HMGCLL1: variants seen among roughly 807,000 people sequenced by gnomAD.
HMGCLL1 encodes the protein 3-hydroxymethyl-3-methylglutaryl-CoA lyase, cytoplasmic.
A neutral mutation model predicts 39.1 loss-of-function variants in HMGCLL1; 36 were observed. That is an observed-to-expected ratio of 0.92 (90% CI 0.71 to 1.22). HMGCLL1 has a LOEUF of 1.22. Ranked by LOEUF, HMGCLL1 falls within the 50% of genes most tolerant of loss-of-function variation. The pLI is 0.00. For synonymous variants in HMGCLL1, 149 were observed against 144.0 expected (o/e 1.03, Z -0.25); for missense variants, 451 against 416.5 (o/e 1.08, Z -0.72).
intron 7 of HMGCLL1, among the ~76,000 whole-genome samples, chr6:55,481,911 A>G (rs1190673432): frequency 6.6e-6 from 1 of 152,046 alleles, no homozygotes; most frequent in East Asian, 1.9e-4. Flanking sequence ...TTCTTTTTCA[A>G]TTGAACATTT....
intron 1 of HMGCLL1, among the ~76,000 whole-genome samples, chr6:55,575,671 A>G (rs1561972313): frequency 6.6e-6 from 1 of 152,178 alleles, no homozygotes; most frequent in Non-Finnish European, 1.5e-5. Flanking sequence ...ACAATAGAGA[A>G]TTAGTTAAGC....
chr6:55,438,430 A>C (rs1319827153), intron 8 of HMGCLL1, among the ~76,000 whole-genome samples: 3 of 152,068 alleles, frequency 2.0e-5, no homozygotes, highest in Non-Finnish European at 2.9e-5. Flanking sequence ...ATAATTATAT[A>C]ACCTTGTGGT....
the HMGCLL1 span, among the ~76,000 whole-genome samples, chr6:55,661,488 T>C: frequency 6.6e-6 from 1 of 152,024 alleles, no homozygotes; most frequent in Non-Finnish European, 1.5e-5. Flanking sequence ...CCAGTGCTTG[T>C]TTCTGTCAGC....
At chr6:55,673,103 A>G in the HMGCLL1 span, among the ~76,000 whole-genome samples, 1 of 152,016 alleles carries the variant, frequency 6.6e-6, no homozygotes, top group Non-Finnish European at 1.5e-5. Flanking sequence ...TCAGTGTCCA[A>G]ATATAAACCA....
rs573960697 is a variant in HMGCLL1 at position 55,505,609 on chromosome 6, G to T, written c.543-6310C>A. 2.6e-5 allele frequency among the ~76,000 whole-genome samples: 4 copies of T among 151,602 alleles called. No homozygotes were observed. In the East Asian group the frequency reaches 7.8e-4, roughly 29 times the overall value. The stretch of plus-strand genomic sequence containing the variant: ...AATTTTTGCTCTAGAATACTTGACT[G>T]ATTTTATTTCTCCTAAGCCTACTAT... On this transcript the variant is annotated intron_variant, in intron 5 of 8. Transcript: ENST00000274901.
chr6:55,440,892 A>G (rs1245629196), intron 7 of HMGCLL1, among the ~76,000 whole-genome samples: 1 of 151,938 alleles, frequency 6.6e-6, no homozygotes, highest in Non-Finnish European at 1.5e-5. Flanking sequence ...TAAACTTTTA[A>G]TTTTAAAATA....
chr6:55,579,095 T>C lies in HMGCLL1; in HGVS notation c.-40A>G. 6.8e-7 allele frequency: 1 copy of C among 1,466,490 alleles called. No homozygotes were observed. The highest frequency in any genetic ancestry group is 9.4e-7 in the Non-Finnish European group (1 of 1,059,806). 90.8% of individuals were successfully genotyped at this position (1,466,490 alleles called of 1,614,324 possible). A position where few individuals can be genotyped will look rare whatever the true frequency, so the allele number is the denominator to read the frequency against. Reference sequence around the variant, plus strand: ...CGGCAGTCGGCGAGGGGAGGGAGACTGGAGGAGGATGAGGGGCGGGCACCG... The same window carrying C: ...CGGCAGTCGGCGAGGGGAGGGAGACCGGAGGAGGATGAGGGGCGGGCACCG... On this transcript the variant is annotated 5_prime_UTR_variant, in exon 1 of 9. Transcript: ENST00000274901.
intron 7 of HMGCLL1, among the ~76,000 whole-genome samples, chr6:55,481,221 A>T (rs956003746): frequency 7.2e-5 from 11 of 152,038 alleles, no homozygotes; most frequent in Non-Finnish European, 1.6e-4. Context: ...CTCTAAAAAA[A>T]TACAAAAATT....
intron 7 of HMGCLL1, among the ~76,000 whole-genome samples, chr6:55,451,420 C>G (rs1764075773): frequency 1.3e-5 from 2 of 151,976 alleles, no homozygotes; most frequent in Admixed American, 6.6e-5. Flanking sequence ...GTCAGGAGTT[C>G]AAGACCAGCC....
chr6:55,472,554 C>A lies in HMGCLL1; in HGVS notation c.795+22865G>T, dbSNP rs147427591. On this transcript the variant is annotated intron_variant, in intron 7 of 8. Coordinates refer to ENST00000274901, the MANE Select transcript of HMGCLL1 (RefSeq NM_001042406.2). ...TGTCATGTATATTAATTCAAAATATCTTTTCCCACATTGTGACTTGTTATT... is the reference window on the plus strand; with the variant it reads ...TGTCATGTATATTAATTCAAAATATATTTTCCCACATTGTGACTTGTTATT... 2.6e-5 allele frequency among the ~76,000 whole-genome samples: 4 copies of A among 151,476 alleles called. No individual in the cohort carries two copies. The East Asian group carries it at 7.7e-4, about 29-fold the overall frequency.
the HMGCLL1 span, among the ~76,000 whole-genome samples, chr6:55,671,200 A>G: frequency 6.6e-6 from 1 of 151,778 alleles, no homozygotes; most frequent in Non-Finnish European, 1.5e-5. Flanking sequence ...TCCCATGAAT[A>G]TGTTACGTTT....
the HMGCLL1 span, among the ~76,000 whole-genome samples, chr6:55,649,753 G>T: frequency 3.3e-5 from 5 of 151,508 alleles, no homozygotes; most frequent in African/African-American, 1.2e-4. Context: ...GATCTTCTTG[G>T]TATGCTTCAT....
intron 1 of HMGCLL1, among the ~76,000 whole-genome samples, chr6:55,549,484 G>A (rs1407449276): frequency 6.6e-6 from 1 of 151,388 alleles, no homozygotes; most frequent in African/African-American, 2.4e-5. Flanking sequence ...AATATTTTCT[G>A]GGATGATACA....
intron 7 of HMGCLL1, among the ~76,000 whole-genome samples, chr6:55,472,983 A>T (rs1464435256): frequency 6.6e-6 from 1 of 151,498 alleles, no homozygotes; most frequent in African/African-American, 2.4e-5. Context: ...ATTTATCATT[A>T]TATAACATAC....
At chr6:55,627,893 A>G in the HMGCLL1 span, among the ~76,000 whole-genome samples, 1 of 33,426 alleles carries the variant, frequency 3.0e-5, no homozygotes, top group African/African-American at 1.5e-4. Flanking sequence ...ATATATATAT[A>G]TATATAGTAT....
intron 7 of HMGCLL1, among the ~76,000 whole-genome samples, chr6:55,464,279 A>G (rs555109348): frequency 6.6e-6 from 1 of 152,240 alleles, no homozygotes; most frequent in African/African-American, 2.4e-5. Context: ...AAAATATTAG[A>G]CTCCTAGTTG....
chr6:55,535,947 A>G (rs1316244655), intron 3 of HMGCLL1, among the ~76,000 whole-genome samples: 2 of 152,144 alleles, frequency 1.3e-5, no homozygotes, highest in African/African-American at 4.8e-5. Context: ...TACCTTCCTC[A>G]AAAGAAAAGA....
intron 3 of HMGCLL1, among the ~76,000 whole-genome samples, chr6:55,539,988 GGA>G (rs1769299019): frequency 8.6e-5 from 1 of 11,680 alleles, no homozygotes; most frequent in Non-Finnish European, 2.6e-4. Context: ...AAGGAAGGAA[GGA>G]AGGAAGGGAG....
intron 7 of HMGCLL1, among the ~76,000 whole-genome samples, chr6:55,477,351 A>C (rs1184219548): frequency 6.9e-5 from 2 of 29,056 alleles, no homozygotes; most frequent in African/African-American, 2.0e-4. Flanking sequence ...TTATATTTAG[A>C]TAATATATAT....
Sources: gnomAD v4.1 joint callset for allele counts (sites outside exome capture counted in the v4.1 genomes callset) on GRCh38, gnomAD v4.1.1 for gene constraint, MANE v1.5 for transcripts, NCBI Gene and HGNC (gene_info 2026-07-23, HGNC 2026-07-21) for gene names.